NUMB: variants seen among roughly 807,000 people sequenced by gnomAD.
The protein encoded by NUMB is NUMB endocytic adaptor protein.
NUMB carries 29 observed loss-of-function variants against 59.7 expected under a neutral mutation model. The observed-to-expected ratio is 0.49, with a 90% confidence interval of 0.36 to 0.66. NUMB has a LOEUF of 0.66. Among genes scored for constraint, NUMB ranks in the 30% least tolerant of loss-of-function variants. NUMB has a pLI of 0.00. For missense variants in NUMB, 723 were observed against 822.0 expected, an observed-to-expected ratio of 0.88 and a Z score of 1.47; for synonymous variants, 288 against 288.2, an observed-to-expected ratio of 1.00 and a Z score of 0.01.
At chr14:73,424,749 A>G (rs1356826298) in intron 1 of NUMB, among the ~76,000 whole-genome samples, 1 of 152,216 alleles carries the variant, frequency 6.6e-6, no homozygotes. Context: ...ATAGCAGACA[A>G]TGGTCTACAA....
At position 73,408,054 on chromosome 14, in the gene NUMB, C is replaced by T. The variant is rs1355365050; in HGVS notation, c.-101+1883G>A. Among the ~76,000 whole-genome samples, 4 of 151,972 alleles carry T rather than the reference C, an allele frequency of 2.6e-5. No individual in the cohort carries two copies. The South Asian group carries it at 6.2e-4, about 24-fold the overall frequency. On this transcript the variant is annotated intron_variant, in intron 2 of 12. Transcript: ENST00000555238. ...CATCCTGACCAACATGGTGAAACCC[C>T]GTCTCTACTAAAAATACAAAAAATT...
chr14:73,402,793 C>T (rs1051633834), intron 2 of NUMB, among the ~76,000 whole-genome samples: 2 of 152,212 alleles, frequency 1.3e-5, no homozygotes, highest in Non-Finnish European at 2.9e-5. Context: ...TTTGCGTTAT[C>T]AAAAGCTCAC....
intron 1 of NUMB, among the ~76,000 whole-genome samples, chr14:73,427,916 CCTAA>C (rs1384387047): frequency 6.6e-6 from 1 of 152,110 alleles, no homozygotes; most frequent in African/African-American, 2.4e-5. Context: ...AAAACCTATT[CCTAA>C]CTGACAGCCC....
intron 4 of NUMB, among the ~76,000 whole-genome samples, chr14:73,342,645 A>C (rs1250882496): frequency 6.6e-6 from 1 of 152,228 alleles, no homozygotes; most frequent in Non-Finnish European, 1.5e-5. Flanking sequence ...AAACATGCAG[A>C]TAAAACCTTC....
intron 2 of NUMB, among the ~76,000 whole-genome samples, chr14:73,369,137 G>A (rs1238250585): frequency 6.6e-6 from 1 of 151,614 alleles, no homozygotes; most frequent in East Asian, 1.9e-4. Context: ...TGCCTCCTGG[G>A]TTCAAGTGAT....
At chr14:73,310,749 ATAAAGCTC>A (rs981670721) in intron 6 of NUMB, among the ~76,000 whole-genome samples, 3 of 152,340 alleles carry the variant, frequency 2.0e-5, no homozygotes, top group Non-Finnish European at 4.4e-5. Flanking sequence ...ATAATAAACT[ATAAAGCTC>A]TATATAAATA....
At chr14:73,311,762 G>A (rs1297635824) in intron 6 of NUMB, among the ~76,000 whole-genome samples, 2 of 152,144 alleles carry the variant, frequency 1.3e-5, no homozygotes, top group Admixed American at 1.3e-4. Context: ...ATGAGGAACT[G>A]TACTGGATAA....
chr14:73,369,720 C>G (rs1894568572), intron 2 of NUMB, among the ~76,000 whole-genome samples: 1 of 152,146 alleles, frequency 6.6e-6, no homozygotes, highest in South Asian at 2.1e-4. Flanking sequence ...ATACAAAAAT[C>G]CTTTTAAAAA....
chr14:73,344,007 T>TTA (rs1270783964), intron 4 of NUMB, among the ~76,000 whole-genome samples: 3 of 152,194 alleles, frequency 2.0e-5, no homozygotes, highest in African/African-American at 7.2e-5. Flanking sequence ...CTTTAATATC[T>TTA]TATGGTATTT....
chr14:73,415,655 T>C (rs567771617), intron 1 of NUMB, among the ~76,000 whole-genome samples: 2 of 151,944 alleles, frequency 1.3e-5, no homozygotes, highest in African/African-American at 4.8e-5. Flanking sequence ...TTAGTAGAGA[T>C]GAGGTTTCAC....
chr14:73,434,993 T>C (rs975341350), intron 1 of NUMB, among the ~76,000 whole-genome samples: 1 of 152,148 alleles, frequency 6.6e-6, no homozygotes, highest in Non-Finnish European at 1.5e-5. Context: ...AAACACACAA[T>C]CTTTTACTAA....
At chr14:73,309,292 T>C (rs1164855908) in intron 6 of NUMB, among the ~76,000 whole-genome samples, 3 of 152,162 alleles carry the variant, frequency 2.0e-5, no homozygotes, top group Non-Finnish European at 2.9e-5. Flanking sequence ...TGCAGCACTA[T>C]TCACAATAGC....
At chr14:73,287,937 C>T (rs1889125729) in intron 8 of NUMB, among the ~76,000 whole-genome samples, 1 of 152,086 alleles carries the variant, frequency 6.6e-6, no homozygotes, top group African/African-American at 2.4e-5. Flanking sequence ...TGCAAGGTTT[C>T]AAGCCTTGAC....
chr14:73,336,675 T>C (rs2139964832), intron 4 of NUMB, among the ~76,000 whole-genome samples: 1 of 152,290 alleles, frequency 6.6e-6, no homozygotes, highest in African/African-American at 2.4e-5. Context: ...TTGCCAAAAC[T>C]ATAATCCAGC....
chr14:73,430,827 C>A (rs527500001), intron 1 of NUMB, among the ~76,000 whole-genome samples: 1 of 152,048 alleles, frequency 6.6e-6, no homozygotes, highest in Non-Finnish European at 1.5e-5. Flanking sequence ...CGCCTGTAGT[C>A]CCAGCTACTG....
chr14:73,384,156 C>CTT (rs145759149), intron 2 of NUMB, among the ~76,000 whole-genome samples: 2 of 145,146 alleles, frequency 1.4e-5, no homozygotes. Flanking sequence ...GACAAAATTT[C>CTT]TTTTTTTTTT....
intron 2 of NUMB, among the ~76,000 whole-genome samples, chr14:73,404,164 C>T (rs564033480): frequency 2.4e-4 from 37 of 151,456 alleles, no homozygotes; most frequent in Admixed American, 7.9e-4. Flanking sequence ...ATCGCTTGAG[C>T]CTGGGAGGCA....
intron 7 of NUMB, among the ~76,000 whole-genome samples, chr14:73,294,730 G>A (rs1311729935): frequency 2.0e-5 from 3 of 147,478 alleles, no homozygotes; most frequent in Admixed American, 6.8e-5. Context: ...TGTTGGCCAG[G>A]ATGGTCTCAA....
chr14:73,436,006 A>G, intron 1 of NUMB, among the ~76,000 whole-genome samples: 1 of 140,416 alleles, frequency 7.1e-6, no homozygotes, highest in African/African-American at 2.7e-5. Flanking sequence ...ACTCTGTTTC[A>G]AAAAAAAAAA....
Sources: gnomAD v4.1 joint callset for allele counts (sites outside exome capture counted in the v4.1 genomes callset) on GRCh38, gnomAD v4.1.1 for gene constraint, MANE v1.5 for transcripts, NCBI Gene and HGNC (gene_info 2026-07-23, HGNC 2026-07-21) for gene names.